The following VPS41 variants were observed in gnomAD, a reference collection of about 807,000 sequenced individuals.
VPS41 encodes vacuolar protein sorting-associated protein 41 homolog.
Under a neutral mutation model 130.9 loss-of-function variants are expected in VPS41, and 85 were observed. The observed-to-expected ratio is 0.65, with a 90% CI of 0.55 to 0.78. The LOEUF is 0.78. Ranked by LOEUF, VPS41 falls within the 30% of genes least tolerant of loss-of-function variation. VPS41 has a pLI of 0.00. For missense variants in VPS41, 874 were observed against 1,018.7 expected, an observed-to-expected ratio of 0.86 and a Z score of 1.93; for synonymous variants, 335 against 332.9, an observed-to-expected ratio of 1.01 and a Z score of -0.07.
At chr7:38,814,414 G>A (rs1324438444) in intron 7 of VPS41, among the ~76,000 whole-genome samples, 1 of 152,204 alleles carries the variant, frequency 6.6e-6, no homozygotes, top group Non-Finnish European at 1.5e-5. Flanking sequence ...CACTTTGGAA[G>A]GCCGAGCGGA....
chr7:38,814,967 T>C (rs1785013636), intron 7 of VPS41, among the ~76,000 whole-genome samples: 1 of 152,134 alleles, frequency 6.6e-6, no homozygotes, highest in Non-Finnish European at 1.5e-5. Flanking sequence ...GTCAAGCAGC[T>C]CCAACCAATA....
chr7:38,773,364 T>C (rs1028582952), intron 12 of VPS41, among the ~76,000 whole-genome samples: 2 of 152,194 alleles, frequency 1.3e-5, no homozygotes, highest in African/African-American at 4.8e-5. Context: ...GTCTAGAATA[T>C]ACTCTTATGT....
intron 1 of VPS41, among the ~76,000 whole-genome samples, chr7:38,904,217 G>A (rs748461637): frequency 1.1e-4 from 16 of 152,206 alleles, no homozygotes; most frequent in Admixed American, 4.6e-4. Context: ...CTGATCTGAT[G>A]AGTGTCCTCT....
intron 14 of VPS41, among the ~76,000 whole-genome samples, chr7:38,769,148 C>T (rs977565171): frequency 6.6e-6 from 1 of 152,130 alleles, no homozygotes; most frequent in Admixed American, 6.5e-5. Context: ...GACCTGCTTA[C>T]CTCCACTACT....
chr7:38,778,060 G>A (rs1219889809), intron 10 of VPS41, among the ~76,000 whole-genome samples: 1 of 152,044 alleles, frequency 6.6e-6, no homozygotes, highest in African/African-American at 2.4e-5. Flanking sequence ...ATAAAATTGT[G>A]GATGACCAAA....
intron 10 of VPS41, among the ~76,000 whole-genome samples, chr7:38,783,150 C>G (rs1784383435): frequency 6.6e-6 from 1 of 151,944 alleles, no homozygotes; most frequent in Admixed American, 6.6e-5. Flanking sequence ...AAAAGAGTAA[C>G]TGAGTATCAA....
At position 38,726,128 on chromosome 7, in the gene VPS41, G is replaced by T; in HGVS notation, c.*118C>A. ...AGGAATAGATGAAGAAATTGTTTTT[G>T]AGTATAATATAAACATAAACAAATC... On this transcript the variant is annotated 3_prime_UTR_variant, in exon 29 of 29. Coordinates refer to ENST00000310301, the MANE Select transcript of VPS41 (RefSeq NM_014396.4). 1.5e-6 allele frequency: 1 copy of T among 684,130 alleles called. No individual in the cohort carries two copies. 42.4% of individuals were successfully genotyped at this position (684,130 alleles called of 1,614,324 possible).
At chr7:38,771,845 G>A (rs995413146) in intron 13 of VPS41, among the ~76,000 whole-genome samples, 9 of 151,994 alleles carry the variant, frequency 5.9e-5, no homozygotes, top group African/African-American at 2.2e-4. Flanking sequence ...TAATTACTGG[G>A]TTATGAACTA....
At chr7:38,875,243 T>C (rs1786468309) in intron 2 of VPS41, among the ~76,000 whole-genome samples, 1 of 152,156 alleles carries the variant, frequency 6.6e-6, no homozygotes, top group African/African-American at 2.4e-5. Flanking sequence ...TTCACATTTA[T>C]TTGAAACTAT....
chr7:38,730,010 G>A (rs1460698533), intron 25 of VPS41, among the ~76,000 whole-genome samples: 1 of 152,154 alleles, frequency 6.6e-6, no homozygotes, highest in Non-Finnish European at 1.5e-5. Context: ...CTGGGGCTGT[G>A]CCTGTGGCTT....
At chr7:38,822,149 TA>T (rs1356099941) in intron 5 of VPS41, among the ~76,000 whole-genome samples, 1 of 152,162 alleles carries the variant, frequency 6.6e-6, no homozygotes, top group Non-Finnish European at 1.5e-5. Flanking sequence ...TCATACTTAG[TA>T]TATTTTCTGA....
chr7:38,857,033 C>G (rs780818486), intron 4 of VPS41, among the ~76,000 whole-genome samples: 2 of 152,178 alleles, frequency 1.3e-5, no homozygotes, highest in Non-Finnish European at 2.9e-5. Context: ...GTGAAATGTT[C>G]TCAGAGACAC....
intron 2 of VPS41, among the ~76,000 whole-genome samples, chr7:38,871,219 A>C (rs986041216): frequency 1.3e-5 from 2 of 152,254 alleles, no homozygotes; most frequent in African/African-American, 2.4e-5. Context: ...CATAGTAAAA[A>C]GAAAATTAGG....
At chr7:38,726,429 G>A in intron 28 of VPS41, 103 bp from the exon 29 acceptor site, 2 of 819,188 alleles carry the variant, frequency 2.4e-6, no homozygotes, top group Non-Finnish European at 4.0e-6. Context: ...TGGAGAGGAA[G>A]TAATAGGATG....
chr7:38,796,561 A>G (rs1479338598), intron 8 of VPS41, 184 bp downstream of exon 8: 2 of 827,148 alleles, frequency 2.4e-6, no homozygotes, highest in Admixed American at 2.0e-5. Flanking sequence ...GGGAATTACT[A>G]TATTATGAAA....
intron 6 of VPS41, among the ~76,000 whole-genome samples, chr7:38,820,710 T>C (rs922956597): frequency 6.6e-6 from 1 of 152,238 alleles, no homozygotes; most frequent in African/African-American, 2.4e-5. Context: ...TGCCATTTCC[T>C]GAACACAAGG....
At chr7:38,740,185 T>A (rs972127055) in intron 25 of VPS41, among the ~76,000 whole-genome samples, 1 of 152,158 alleles carries the variant, frequency 6.6e-6, no homozygotes, top group African/African-American at 2.4e-5. Context: ...CTACTTCCCT[T>A]GGGGGAGGGT....
At chr7:38,815,924 C>CTA (rs3056367) in intron 7 of VPS41, among the ~76,000 whole-genome samples, 8,897 of 149,982 alleles carry the variant, frequency 0.059, 267 homozygotes, top group Middle Eastern at 0.086. Flanking sequence ...CAATAAACTA[C>CTA]TATATATATA....
chr7:38,748,150 G>C (rs112667724), intron 22 of VPS41, among the ~76,000 whole-genome samples: 15 of 152,220 alleles, frequency 9.9e-5, no homozygotes, highest in Non-Finnish European at 1.6e-4. Context: ...CTGGACCATG[G>C]TGCTCCCTCT....
Sources: gnomAD v4.1 joint callset for allele counts (sites outside exome capture counted in the v4.1 genomes callset) on GRCh38, gnomAD v4.1.1 for gene constraint, MANE v1.5 for transcripts, NCBI Gene and HGNC (gene_info 2026-07-23, HGNC 2026-07-21) for gene names.